Variants in ATAD1 observed in about 807,000 individuals in gnomAD.
The protein encoded by ATAD1 is ATPase family AAA domain containing 1, also known as outer mitochondrial transmembrane helix translocase.
Under a neutral mutation model 42.7 loss-of-function variants are expected in ATAD1, and 18 were observed. That is an observed-to-expected ratio of 0.42 (90% CI 0.29 to 0.63). The LOEUF (loss-of-function observed/expected upper bound fraction) is 0.63. Ranked by LOEUF, ATAD1 falls within the 20% of genes least tolerant of loss-of-function variation. ATAD1 has a pLI of 0.19. For missense variants in ATAD1, 294 were observed against 440.4 expected (o/e 0.67, Z 2.98); for synonymous variants, 132 against 143.1 (o/e 0.92, Z 0.55).
At chr10:87,801,860 T>C (rs768389647) in intron 2 of ATAD1, among the ~76,000 whole-genome samples, 3 of 152,192 alleles carry the variant, frequency 2.0e-5, no homozygotes, top group African/African-American at 7.2e-5. Context: ...AGCTGGAACA[T>C]CCATGAATAT....
At position 87,776,286 on chromosome 10, in the gene ATAD1, C is replaced by A. The variant is rs375294671; in HGVS notation, c.690+35G>T. ...AAATTTTCTATTAAGAACAAAAAAA[C>A]CAACACAAGTTGAGGGCAGATTTTA... is the stretch of plus-strand genomic sequence containing the variant. On this transcript the variant is annotated intron_variant, in intron 6 of 9. Coordinates refer to ENST00000680024, the MANE Select transcript of ATAD1 (RefSeq NM_001321967.2). 2.7e-5 allele frequency: 42 copies of A among 1,528,280 alleles called. No individual in the cohort carries two copies. The African/African-American group carries it at 5.0e-4, about 18-fold the overall frequency. The allele number at this position is 1,528,280 out of a possible 1,614,324, so 94.7% of individuals were successfully genotyped here.
At chr10:87,837,230 T>G (rs185900547) in intron 1 of ATAD1, among the ~76,000 whole-genome samples, 1 of 152,326 alleles carries the variant, frequency 6.6e-6, no homozygotes, top group East Asian at 1.9e-4. Context: ...CCCAGACATT[T>G]AATATATTAT....
chr10:87,817,732 G>A, intron 1 of ATAD1: 1 of 985,356 alleles, frequency 1.0e-6, no homozygotes, highest in South Asian at 4.7e-5. Context: ...AAGCGTGCCC[G>A]GCCCTGAAGA....
At chr10:87,801,353 T>G (rs1856683638) in intron 2 of ATAD1, among the ~76,000 whole-genome samples, 1 of 152,184 alleles carries the variant, frequency 6.6e-6, no homozygotes, top group Admixed American at 6.5e-5. Flanking sequence ...CCTAATTAAT[T>G]CTTTAAGACA....
chr10:87,807,537 C>G (rs751103790), intron 2 of ATAD1, among the ~76,000 whole-genome samples: 2 of 152,112 alleles, frequency 1.3e-5, no homozygotes, highest in African/African-American at 4.8e-5. Flanking sequence ...TCCTTGATTT[C>G]TAATCAGTTT....
chr10:87,766,351 G>A lies in ATAD1; in HGVS notation c.831+1322C>T, dbSNP rs187721429. 6.6e-5 allele frequency among the ~76,000 whole-genome samples: 10 copies of A among 152,220 alleles called. No individual in the cohort carries two copies. In the East Asian group the frequency reaches 7.7e-4, roughly 12 times the overall value. ...GTGAAAGACCAGAATCAATCCAAAT[G>A]TCCTTCAATGTGGCATTGATTCACT... On this transcript the variant is annotated intron_variant, in intron 8 of 9. Transcript: ENST00000680024.
chr10:87,802,642 C>T (rs529194607), intron 2 of ATAD1, among the ~76,000 whole-genome samples: 7 of 136,608 alleles, frequency 5.1e-5, no homozygotes, highest in East Asian at 2.1e-4. Context: ...GACTATGTCA[C>T]GAAAAAAAAA....
At chr10:87,808,714 A>G (rs1857042895) in intron 2 of ATAD1, among the ~76,000 whole-genome samples, 1 of 152,212 alleles carries the variant, frequency 6.6e-6, no homozygotes, top group Non-Finnish European at 1.5e-5. Flanking sequence ...TGCATATTAT[A>G]TTGATTTCCC....
In ATAD1 at chr10:87,766,871, T is replaced by A. The variant is rs921749694; in HGVS notation, c.831+802A>T. Among the ~76,000 whole-genome samples the A allele has an allele frequency of 8.5e-4, 129 of 152,018 alleles. 1 individual carries two copies. The highest frequency in any genetic ancestry group is 3.5e-3 in the Admixed American group (54 of 15,272). On this transcript the variant is annotated intron_variant, in intron 8 of 9. Coordinates refer to ENST00000680024, the MANE Select transcript of ATAD1 (RefSeq NM_001321967.2). The stretch of plus-strand genomic sequence containing the variant: ...GGAAAAAAGAGAAGATTTTTCTCCG[T>A]GTATTATTAAATATACATACTTTAA...
At chr10:87,813,915 C>T (rs929282996) in intron 2 of ATAD1, among the ~76,000 whole-genome samples, 4 of 151,754 alleles carry the variant, frequency 2.6e-5, no homozygotes, top group African/African-American at 9.7e-5. Context: ...CAAACAGAAA[C>T]CAATCACCTT....
chr10:87,771,368 G>A (rs1341034192), intron 6 of ATAD1, among the ~76,000 whole-genome samples: 1 of 151,972 alleles, frequency 6.6e-6, no homozygotes, highest in Non-Finnish European at 1.5e-5. Context: ...TGCAAAATAT[G>A]GTGCTTAATG....
At chr10:87,813,875 G>A (rs1857297462) in intron 2 of ATAD1, among the ~76,000 whole-genome samples, 1 of 151,874 alleles carries the variant, frequency 6.6e-6, no homozygotes, top group South Asian at 2.1e-4. Flanking sequence ...AAATCTGTAA[G>A]ACTCCTTTAA....
At chr10:87,796,992 A>G (rs1322873738) in intron 2 of ATAD1, among the ~76,000 whole-genome samples, 1 of 152,170 alleles carries the variant, frequency 6.6e-6, no homozygotes, top group Non-Finnish European at 1.5e-5. Flanking sequence ...ACAGAGTTTG[A>G]GCTCACTCCT....
At chr10:87,816,002 C>T (rs1003511564) in intron 1 of ATAD1, among the ~76,000 whole-genome samples, 13 of 152,124 alleles carry the variant, frequency 8.5e-5, no homozygotes, top group African/African-American at 3.1e-4. Flanking sequence ...CAAATTCTAT[C>T]CTAACTTCAA....
Position 87,770,852 on chromosome 10 carries a change from C to T in ATAD1, c.780+100G>A, listed in dbSNP as rs1005916023. On this transcript the variant is annotated intron_variant, in intron 7 of 9. Coordinates refer to ENST00000680024, the MANE Select transcript of ATAD1 (RefSeq NM_001321967.2). The stretch of plus-strand genomic sequence containing the variant: ...TGCCCCATTCCTTCCCTGTCATAAG[C>T]ACCCCTATATGACAAAATATTCCCT... 59 of 955,232 alleles carry T rather than the reference C, an allele frequency of 6.2e-5. No homozygotes were observed. In the East Asian group the frequency reaches 1.2e-3, roughly 20 times the overall value. The allele number at this position is 955,232 out of a possible 1,614,324, so 59.2% of individuals were successfully genotyped here. A position where few individuals can be genotyped will look rare whatever the true frequency, so the allele number is the denominator to read the frequency against.
Position 87,768,392 on chromosome 10 carries a change from C to A in ATAD1, c.781-669G>T, listed in dbSNP as rs986419258. Among the ~76,000 whole-genome samples the A allele has an allele frequency of 5.9e-5, 9 of 152,178 alleles. No homozygotes were observed. The South Asian group carries it at 8.3e-4, about 14-fold the overall frequency. On this transcript the variant is annotated intron_variant, in intron 7 of 9. Transcript: ENST00000680024. ...AACATCGACAAAGCAGAGCTGGTTA[C>A]AATGACTACCAAATCAAATTACTTG...
At position 87,832,934 on chromosome 10, in the gene ATAD1, C is replaced by T. The variant is rs1857860436; in HGVS notation, c.-14+8253G>A. 2.6e-5 allele frequency: 4 copies of T among 152,264 alleles called. No homozygotes were observed. The South Asian group carries it at 8.3e-4, about 32-fold the overall frequency. 9.4% of individuals were successfully genotyped at this position (152,264 alleles called of 1,614,324 possible). A position where few individuals can be genotyped will look rare whatever the true frequency, so the allele number is the denominator to read the frequency against. On this transcript the variant is annotated intron_variant, in intron 1 of 4. Transcript: ENST00000495903. ...TGCTCCCTTTTCTACCTGGGCTGGT[C>T]CACCCCTCCTTAGACAACCTGGAGT...
chr10:87,783,626 T>C (rs1855675079), intron 5 of ATAD1, among the ~76,000 whole-genome samples: 1 of 151,436 alleles, frequency 6.6e-6, no homozygotes, highest in Non-Finnish European at 1.5e-5. Context: ...TATCCAATAC[T>C]AATAATACTG....
chr10:87,784,799 GT>G, intron 4 of ATAD1, 129 bp from the exon 5 acceptor site: 1 of 808,044 alleles, frequency 1.2e-6, no homozygotes, highest in Non-Finnish European at 1.9e-6. Flanking sequence ...ATTTAATCTT[GT>G]TTATAGTAGG....
Sources: gnomAD v4.1 joint callset for allele counts (sites outside exome capture counted in the v4.1 genomes callset) on GRCh38, gnomAD v4.1.1 for gene constraint, MANE v1.5 for transcripts, NCBI Gene and HGNC (gene_info 2026-07-23, HGNC 2026-07-21) for gene names.